The following TMEM132C variants were observed in gnomAD, a reference collection of about 807,000 sequenced individuals.
TMEM132C encodes the protein protein phosphatase 1, regulatory subunit 152.
Under a neutral mutation model 61.4 loss-of-function variants are expected in TMEM132C, and 29 were observed. That is an observed-to-expected ratio of 0.47 (90% CI 0.35 to 0.64). TMEM132C has a LOEUF of 0.64. Ranked by LOEUF, TMEM132C falls within the 30% of genes least tolerant of loss-of-function variation. TMEM132C has a pLI of 0.00. For synonymous variants in TMEM132C, 656 were observed against 633.1 expected, an observed-to-expected ratio of 1.04 and a Z score of -0.54; for missense variants, 1,408 against 1,476.9, an observed-to-expected ratio of 0.95 and a Z score of 0.76.
intron 4 of TMEM132C, among the ~76,000 whole-genome samples, chr12:128,644,851 A>C (rs1470060606): frequency 6.6e-6 from 1 of 152,130 alleles, no homozygotes; most frequent in African/African-American, 2.4e-5. Flanking sequence ...TGTTCAGAAA[A>C]GTCCGCGACA....
intron 1 of TMEM132C, among the ~76,000 whole-genome samples, chr12:128,325,401 A>G (rs1386662951): frequency 3.3e-5 from 5 of 152,148 alleles, no homozygotes; most frequent in East Asian, 1.9e-4. Flanking sequence ...TAGGATCACC[A>G]TTCGCCGTTT....
rs546435340 is a variant in TMEM132C at position 128,636,166 on chromosome 12, T to G, written c.1305+19831T>G. On this transcript the variant is annotated intron_variant, in intron 4 of 8. Transcript: ENST00000435159. ...CCTGGGCTCAAGCAATCCTCCCAACTCAGCCTCCCAAGTAGCTGGAACCAC... is the reference window on the plus strand; with the variant it reads ...CCTGGGCTCAAGCAATCCTCCCAACGCAGCCTCCCAAGTAGCTGGAACCAC... 2.0e-5 allele frequency among the ~76,000 whole-genome samples: 3 copies of G among 152,150 alleles called. No homozygotes were observed. In the South Asian group the frequency reaches 6.2e-4, roughly 32 times the overall value.
intron 4 of TMEM132C, among the ~76,000 whole-genome samples, chr12:128,652,362 C>G (rs1954280184): frequency 6.6e-6 from 1 of 152,230 alleles, no homozygotes; most frequent in Admixed American, 6.5e-5. Context: ...AGCCCCACAA[C>G]ATCCCATTGA....
At chr12:128,617,708 G>A (rs1876858819) in intron 4 of TMEM132C, among the ~76,000 whole-genome samples, 1 of 152,182 alleles carries the variant, frequency 6.6e-6, no homozygotes, top group Non-Finnish European at 1.5e-5. Context: ...TAGGGCAGGT[G>A]TAGCCTCAGG....
At chr12:128,680,156 TTA>T (rs1315679899) in intron 5 of TMEM132C, among the ~76,000 whole-genome samples, 1 of 152,214 alleles carries the variant, frequency 6.6e-6, no homozygotes. Context: ...GAATTTTGTT[TTA>T]CTCTCAGAGC....
intron 2 of TMEM132C, among the ~76,000 whole-genome samples, chr12:128,487,140 G>C (rs1232968738): frequency 6.6e-6 from 1 of 152,188 alleles, no homozygotes; most frequent in Non-Finnish European, 1.5e-5. Context: ...CACAGATCTT[G>C]CGTGGTATTG....
intron 5 of TMEM132C, among the ~76,000 whole-genome samples, chr12:128,686,240 A>G (rs1954675950): frequency 6.6e-6 from 1 of 152,218 alleles, no homozygotes; most frequent in East Asian, 1.9e-4. Flanking sequence ...TCAGTGACCC[A>G]GATACCTGAG....
intron 2 of TMEM132C, among the ~76,000 whole-genome samples, chr12:128,504,119 C>T (rs368433422): frequency 1.3e-5 from 2 of 152,150 alleles, no homozygotes; most frequent in African/African-American, 2.4e-5. Flanking sequence ...TGGGCTTCCT[C>T]ACAGCATGGT....
At chr12:128,310,984 A>C (rs1288464076) in intron 1 of TMEM132C, among the ~76,000 whole-genome samples, 1 of 152,262 alleles carries the variant, frequency 6.6e-6, no homozygotes, top group African/African-American at 2.4e-5. Context: ...AAATAATCAC[A>C]TGTACCCTTC....
At chr12:128,436,624 G>A (rs28791883) in intron 2 of TMEM132C, among the ~76,000 whole-genome samples, 18,825 of 152,072 alleles carry the variant, frequency 0.12, 1,201 homozygotes, top group South Asian at 0.14. Flanking sequence ...TAGAATGGCA[G>A]TCATTAAAAA....
At chr12:128,694,569 A>G (rs1220935171) in intron 6 of TMEM132C, among the ~76,000 whole-genome samples, 1 of 152,200 alleles carries the variant, frequency 6.6e-6, no homozygotes, top group Non-Finnish European at 1.5e-5. Context: ...CCCCCGGATT[A>G]GCAGACATTA....
chr12:128,578,638 C>A (rs1344718805), intron 3 of TMEM132C, among the ~76,000 whole-genome samples: 3 of 152,114 alleles, frequency 2.0e-5, no homozygotes, highest in Non-Finnish European at 4.4e-5. Context: ...TGCTCTGTCA[C>A]CCAGACTGGA....
At position 128,374,409 on chromosome 12, in the gene TMEM132C, C is replaced by T. The variant is rs918908540; in HGVS notation, c.86-40323C>T. On this transcript the variant is annotated intron_variant, in intron 1 of 8. Coordinates refer to ENST00000435159, the MANE Select transcript of TMEM132C (RefSeq NM_001136103.3). ...TGGCACCCCTCAGACTCAGGCTTTC[C>T]GGTGCCCCTGGAGTGACTACAAGTC... 1.2e-4 allele frequency among the ~76,000 whole-genome samples: 18 copies of T among 152,234 alleles called. No homozygotes were observed. In the South Asian group the frequency reaches 1.7e-3, roughly 14 times the overall value.
intron 2 of TMEM132C, chr12:128,437,987 C>T (rs1869657960): frequency 6.6e-6 from 1 of 152,126 alleles, no homozygotes; most frequent in Admixed American, 6.6e-5. Context: ...ATCTTGGGAG[C>T]TTTGGTCCTT....
chr12:128,624,543 C>CAAAAAAAA, intron 4 of TMEM132C, among the ~76,000 whole-genome samples: 1 of 32,908 alleles, frequency 3.0e-5, no homozygotes, highest in African/African-American at 1.1e-4. Context: ...GACTCCATCT[C>CAAAAAAAA]AAAAAAAAAA....
At chr12:128,542,564 C>T (rs1873794363) in intron 2 of TMEM132C, among the ~76,000 whole-genome samples, 1 of 152,252 alleles carries the variant, frequency 6.6e-6, no homozygotes, top group Non-Finnish European at 1.5e-5. Flanking sequence ...GCTCAGCCTC[C>T]TAAACTGCTG....
At chr12:128,573,466 T>G (rs1362557488) in intron 3 of TMEM132C, among the ~76,000 whole-genome samples, 25 of 141,058 alleles carry the variant, frequency 1.8e-4, no homozygotes, top group African/African-American at 2.9e-4. Flanking sequence ...GTGGGGGGAG[T>G]GGGGAGGGAT....
chr12:128,597,836 T>G (rs1348249722), intron 3 of TMEM132C, among the ~76,000 whole-genome samples: 1 of 152,194 alleles, frequency 6.6e-6, no homozygotes, highest in Non-Finnish European at 1.5e-5. Context: ...TGTTTAAGTG[T>G]TTGAGGGTGT....
chr12:128,479,222 C>T (rs1374164833), intron 2 of TMEM132C, among the ~76,000 whole-genome samples: 7 of 152,014 alleles, frequency 4.6e-5, no homozygotes, highest in Non-Finnish European at 7.4e-5. Context: ...GTGGAGGGTG[C>T]GAGGAGGGAG....
Sources: gnomAD v4.1 joint callset for allele counts (sites outside exome capture counted in the v4.1 genomes callset) on GRCh38, gnomAD v4.1.1 for gene constraint, MANE v1.5 for transcripts, NCBI Gene and HGNC (gene_info 2026-07-23, HGNC 2026-07-21) for gene names.